Variants in ABCA6 observed in about 807,000 individuals in gnomAD.
The protein encoded by ABCA6 is ATP-binding cassette sub-family A member 6.
ABCA6 carries 164 observed loss-of-function variants against 191.2 expected under a neutral mutation model. The ratio of observed to expected loss-of-function variants is 0.86; its 90% CI spans 0.76 to 0.98. The LOEUF is 0.98. ABCA6 is among the 50% of genes least tolerant of loss of function. ABCA6 has a pLI of 0.00. For missense variants in ABCA6, 1,958 were observed against 1,894.1 expected, an observed-to-expected ratio of 1.03 and a Z score of -0.63; for synonymous variants, 636 against 647.7, an observed-to-expected ratio of 0.98 and a Z score of 0.27.
chr17:69,140,718 G>A lies in ABCA6; in HGVS notation c.-15C>T. 1.3e-6 allele frequency: 2 copies of A among 1,515,048 alleles called. No individual in the cohort carries two copies. The highest frequency in any genetic ancestry group is 1.3e-5 in the South Asian group (1 of 75,812). The allele number at this position is 1,515,048 out of a possible 1,614,324, so 93.9% of individuals were successfully genotyped here. ...TTCATATTCATTTAGCCTATTCGCT[G>A]AAGGAGAAAGTAATCATGGTGGAAC... On this transcript the variant is annotated 5_prime_UTR_variant, in exon 2 of 39. Transcript: ENST00000284425.
At position 69,096,317 on chromosome 17, in the gene ABCA6, A is replaced by C. The variant is rs2073043789; in HGVS notation, c.3331T>G (p.Phe1111Val). 1.3e-6 allele frequency: 2 copies of C among 1,520,914 alleles called. No homozygotes were observed. The highest frequency in any genetic ancestry group is 2.7e-5 in the South Asian group (2 of 73,960). The allele number at this position is 1,520,914 out of a possible 1,614,324, so 94.2% of individuals were successfully genotyped here. Residue 1111 changes from phenylalanine to valine, a missense_variant, in exon 25 of 39, where the codon TTC becomes GTC. By Grantham distance (50) the Phe-to-Val change is conservative. Transcript: ENST00000284425. ...VTPGYAASLV[F>V]FIYMISFIFR... Reference sequence around the variant, plus strand: ...ATAAATGATATCATATATATGAAGAAGACAAGAGAAGCTGCATAACCAGGA... The same window carrying C: ...ATAAATGATATCATATATATGAAGACGACAAGAGAAGCTGCATAACCAGGA...
chr17:69,136,240 G>C lies in ABCA6; in HGVS notation c.312C>G (p.Val104=). 6.4e-7 allele frequency: 1 copy of C among 1,563,650 alleles called. No individual in the cohort carries two copies. Among genetic ancestry groups the C allele is most frequent in the Non-Finnish European group, 8.7e-7 (1 of 1,155,534 alleles). Residue 104 remains valine, a synonymous_variant, in exon 4 of 39, where the codon GTC becomes GTG. Coordinates refer to ENST00000284425, the MANE Select transcript of ABCA6 (RefSeq NM_080284.3). ...TGTGTGTTTTATTTGGTGCCCCAATGACACTTGTTCCTGTGAATTACAAGG... is the reference window on the plus strand; with the variant it reads ...TGTGTGTTTTATTTGGTGCCCCAATCACACTTGTTCCTGTGAATTACAAGG... ...ALAPLLKGTS[V]IGAPNKTHMD...
rs1026803019 is a variant in ABCA6, at chr17:69,100,906, G to A, written c.2903C>T (p.Thr968Ile). The A allele has an allele frequency of 1.3e-6, 2 of 1,599,276 alleles. No individual in the cohort carries two copies. Among genetic ancestry groups the A allele is most frequent in the African/African-American group, 2.7e-5 (2 of 74,400 alleles). The change falls in exon 22 of 39, where the codon ACC becomes ATC. Residue 968 changes from threonine to isoleucine, a missense_variant. Transcript: ENST00000284425. ...KDYRFSVVCN[T>I]KRLHCFPILM... Reference sequence around the variant, plus strand: ...AATTGGAAAACAGTGCAATCTCTTGGTATTACACACAACTGAAAATCTATA... The same window carrying A: ...AATTGGAAAACAGTGCAATCTCTTGATATTACACACAACTGAAAATCTATA...
intron 10 of ABCA6, among the ~76,000 whole-genome samples, chr17:69,120,972 A>G (rs2073629947): frequency 6.6e-6 from 1 of 152,170 alleles, no homozygotes; most frequent in East Asian, 1.9e-4. Context: ...CCCCTGATAC[A>G]TAGAGCTTAA....
At chr17:69,126,044 G>A (rs930723025) in intron 8 of ABCA6, among the ~76,000 whole-genome samples, 1 of 151,986 alleles carries the variant, frequency 6.6e-6, no homozygotes, top group African/African-American at 2.4e-5. Flanking sequence ...TAGAGGTCCG[G>A]ACCTGTGCAG....
In ABCA6 at chr17:69,083,343, A is replaced by C. The variant is rs937839725; in HGVS notation, c.4356-12T>G. On this transcript the variant is annotated splice_polypyrimidine_tract_variant and intron_variant, in intron 34 of 38. Coordinates refer to ENST00000284425, the MANE Select transcript of ABCA6 (RefSeq NM_080284.3). ...CCTGGATTGCCTGCCTGCAGTGAGC[A>C]AAAAAATTAACAGTATTTAAAATAA... The C allele has an allele frequency of 6.4e-6, 10 of 1,558,030 alleles. No homozygotes were observed. Among genetic ancestry groups the C allele is most frequent in the Non-Finnish European group, 8.6e-6 (10 of 1,161,742 alleles).
Position 69,085,723 on chromosome 17 carries a change from G to A in ABCA6, c.3938-7C>T. 6.4e-7 allele frequency: 1 copy of A among 1,559,358 alleles called. No homozygotes were observed. The highest frequency in any genetic ancestry group is 8.8e-7 in the Non-Finnish European group (1 of 1,132,868). On this transcript the variant is annotated splice_polypyrimidine_tract_variant and splice_region_variant and intron_variant, in intron 30 of 38. Coordinates refer to ENST00000284425, the MANE Select transcript of ABCA6 (RefSeq NM_080284.3). ...AGCAATCCCAAAATTTCACCTGAAA[G>A]AAAGAATCAGACTATCAATATTGGA...
At chr17:69,130,209 C>T (rs1465936031) in intron 6 of ABCA6, among the ~76,000 whole-genome samples, 4 of 151,610 alleles carry the variant, frequency 2.6e-5, no homozygotes, top group Admixed American at 1.3e-4. Flanking sequence ...CCCAGCTACT[C>T]GGGAGGCTGA....
At position 69,079,266 on chromosome 17, in the gene ABCA6, C is replaced by T. The variant is rs758196514; in HGVS notation, c.4697-1G>A. 3 of 1,597,912 alleles carry T rather than the reference C, an allele frequency of 1.9e-6. No homozygotes were observed. Among genetic ancestry groups the T allele is most frequent in the Non-Finnish European group, 2.6e-6 (3 of 1,172,560 alleles). ...TCTTCCAGGTTAAAGTTATGCTTCACTGGAGGAAAAAAAAGACTAGTATTA... is the reference window on the plus strand; with the variant it reads ...TCTTCCAGGTTAAAGTTATGCTTCATTGGAGGAAAAAAAAGACTAGTATTA... On this transcript the variant is annotated splice_acceptor_variant, in intron 37 of 38. Coordinates refer to ENST00000284425, the MANE Select transcript of ABCA6 (RefSeq NM_080284.3). LOFTEE classifies it high-confidence loss of function.
chr17:69,088,051 C>A (rs2072843900), intron 28 of ABCA6, 116 bp downstream of exon 28: 6 of 907,622 alleles, frequency 6.6e-6, no homozygotes, highest in Non-Finnish European at 9.5e-6. Flanking sequence ...TCCCTAATGA[C>A]AATCAACATG....
At chr17:69,114,992 C>A in intron 12 of ABCA6, 55 bp from the exon 13 acceptor site, 2 of 1,296,566 alleles carry the variant, frequency 1.5e-6, no homozygotes, top group Non-Finnish European at 2.1e-6. Flanking sequence ...TATTAATATT[C>A]ATAGATCTCA....
At chr17:69,101,004 A>G in intron 21 of ABCA6, 70 bp from the exon 22 acceptor site, 11 of 1,337,824 alleles carry the variant, frequency 8.2e-6, no homozygotes, top group Non-Finnish European at 1.1e-5. Context: ...TTTATGTATA[A>G]AAGATCCTAA....
Position 69,096,264 on chromosome 17 carries a change from G to A in ABCA6, c.3384C>T (p.Gly1128=). ...FIFRKRRKNS[G]LWSFYFFFAS... ...CAAAAAAGAAGTAAAATGACCAAAGGCCACTGTTTTTTCTCCTTTTGCGAA... is the reference window on the plus strand; with the variant it reads ...CAAAAAAGAAGTAAAATGACCAAAGACCACTGTTTTTTCTCCTTTTGCGAA... Residue 1128 remains glycine, a synonymous_variant, in exon 25 of 39, where the codon GGC becomes GGT. Transcript: ENST00000284425. 1 of 1,504,920 alleles carries A rather than the reference G, an allele frequency of 6.6e-7. No homozygotes were observed. The highest frequency in any genetic ancestry group is 1.3e-5 in the South Asian group (1 of 74,368). The allele number at this position is 1,504,920 out of a possible 1,614,324, so 93.2% of individuals were successfully genotyped here.
intron 27 of ABCA6, among the ~76,000 whole-genome samples, chr17:69,088,574 T>C (rs1277293834): frequency 6.6e-6 from 1 of 152,192 alleles, no homozygotes; most frequent in African/African-American, 2.4e-5. Context: ...ACCTGGATTG[T>C]TGCAACCCCT....
At chr17:69,129,852 A>G in intron 6 of ABCA6, 101 bp from the exon 7 acceptor site, 1 of 843,132 alleles carries the variant, frequency 1.2e-6, no homozygotes, top group South Asian at 1.8e-5. Flanking sequence ...CTACCCTTGT[A>G]CCTTCTAGAT....
At chr17:69,130,609 A>T (rs901556876) in intron 6 of ABCA6, among the ~76,000 whole-genome samples, 2 of 152,160 alleles carry the variant, frequency 1.3e-5, no homozygotes, top group Non-Finnish European at 2.9e-5. Context: ...TTCTATTACA[A>T]TGCCAAGAAC....
chr17:69,091,980 A>G (rs1235293705), intron 25 of ABCA6, among the ~76,000 whole-genome samples: 4 of 152,178 alleles, frequency 2.6e-5, no homozygotes, highest in Admixed American at 2.0e-4. Context: ...AACAATCCAT[A>G]CTGTCTCTCA....
At chr17:69,080,319 GTACCTCA>G (rs1419598922) in intron 37 of ABCA6, among the ~76,000 whole-genome samples, 8 of 152,202 alleles carry the variant, frequency 5.3e-5, no homozygotes, top group African/African-American at 1.9e-4. Context: ...CAGGGATTGA[GTACCTCA>G]CCCAACGTCA....
chr17:69,114,626 T>G, intron 13 of ABCA6, 136 bp downstream of exon 13: 1 of 774,288 alleles, frequency 1.3e-6, no homozygotes, highest in East Asian at 2.7e-5. Context: ...ATTAAAGCAG[T>G]CGATATTTGT....
Sources: gnomAD v4.1 joint callset for allele counts (sites outside exome capture counted in the v4.1 genomes callset) on GRCh38, gnomAD v4.1.1 for gene constraint, MANE v1.5 for transcripts, NCBI Gene and HGNC (gene_info 2026-07-23, HGNC 2026-07-21) for gene names.